The following LMBR1 variants were observed in gnomAD, a reference collection of about 807,000 sequenced individuals.
LMBR1 encodes the protein limb region 1 protein homolog.
A neutral mutation model predicts 73.9 loss-of-function variants in LMBR1; 52 were observed. That is an observed-to-expected ratio of 0.70 (90% CI 0.56 to 0.89). The LOEUF (loss-of-function observed/expected upper bound fraction) is 0.89. Ranked by LOEUF, LMBR1 falls within the 40% of genes least tolerant of loss-of-function variation. LMBR1 has a pLI of 0.00. For missense variants in LMBR1, 539 were observed against 579.8 expected, an observed-to-expected ratio of 0.93 and a Z score of 0.72; for synonymous variants, 215 against 209.4, an observed-to-expected ratio of 1.03 and a Z score of -0.23.
intron 1 of LMBR1, among the ~76,000 whole-genome samples, chr7:156,847,254 T>C (rs1795621778): frequency 6.6e-6 from 1 of 152,164 alleles, no homozygotes; most frequent in African/African-American, 2.4e-5. Flanking sequence ...AATCTAGACA[T>C]AGACCTTATA....
At chr7:156,873,649 T>A (rs1799688039) in intron 1 of LMBR1, among the ~76,000 whole-genome samples, 1 of 152,014 alleles carries the variant, frequency 6.6e-6, no homozygotes, top group South Asian at 2.1e-4. Context: ...GATACAGAGT[T>A]TCCACACACA....
intron 5 of LMBR1, among the ~76,000 whole-genome samples, chr7:156,767,542 G>A (rs961695417): frequency 2.0e-5 from 3 of 151,884 alleles, no homozygotes; most frequent in Admixed American, 6.6e-5. Context: ...ACTGACAGCA[G>A]AGAAATTAAA....
chr7:156,883,736 C>T (rs953384168), intron 1 of LMBR1, among the ~76,000 whole-genome samples: 1 of 152,198 alleles, frequency 6.6e-6, no homozygotes, highest in Admixed American at 6.5e-5. Flanking sequence ...CACTCCTTGG[C>T]TCATGGTCCC....
rs1027201342 is a variant in LMBR1, at chr7:156,891,219, T to A, written c.66+1709A>T. Among the ~76,000 whole-genome samples the A allele has an allele frequency of 5.7e-3, 324 of 56,380 alleles. 2 individuals carry two copies. The highest frequency in any genetic ancestry group is 0.015 in the Middle Eastern group (2 of 132). The allele number at this position is 56,380 out of a possible 152,430, so 37.0% of individuals were successfully genotyped here. On this transcript the variant is annotated intron_variant, in intron 1 of 16. Coordinates refer to ENST00000353442, the MANE Select transcript of LMBR1 (RefSeq NM_022458.4). ...AAAAAAAAAAAAAAAAAAATATATA[T>A]ATATATATATATATACACACACACA... is the stretch of plus-strand genomic sequence containing the variant.
intron 5 of LMBR1, among the ~76,000 whole-genome samples, chr7:156,795,513 T>C (rs1343361118): frequency 1.3e-5 from 2 of 152,222 alleles, no homozygotes; most frequent in Non-Finnish European, 2.9e-5. Context: ...TCCAAAATTC[T>C]ACAGAAATTG....
intron 1 of LMBR1, among the ~76,000 whole-genome samples, chr7:156,876,823 T>G (rs953794172): frequency 1.3e-5 from 2 of 152,064 alleles, no homozygotes; most frequent in Non-Finnish European, 2.9e-5. Context: ...GCAAAGGCGG[T>G]GCTAAGAGGA....
chr7:156,796,516 G>A (rs1420790077), intron 4 of LMBR1, 24 bp from the exon 5 acceptor site: 1 of 1,475,342 alleles, frequency 6.8e-7, no homozygotes, highest in Admixed American at 2.0e-5. Flanking sequence ...AACAAGAAAA[G>A]AAGAAAAACA....
intron 15 of LMBR1, among the ~76,000 whole-genome samples, chr7:156,690,195 T>C (rs1806880333): frequency 6.6e-6 from 1 of 152,254 alleles, no homozygotes; most frequent in African/African-American, 2.4e-5. Flanking sequence ...TTTGAGCATC[T>C]ATACCCCATA....
intron 1 of LMBR1, among the ~76,000 whole-genome samples, chr7:156,857,642 T>C (rs556915210): frequency 3.2e-4 from 49 of 152,326 alleles, no homozygotes; most frequent in African/African-American, 1.2e-3. Flanking sequence ...CATCCAACAA[T>C]AGCACAATAT....
At chr7:156,753,945 A>C (rs532708955) in intron 9 of LMBR1, among the ~76,000 whole-genome samples, 14 of 152,124 alleles carry the variant, frequency 9.2e-5, no homozygotes, top group African/African-American at 1.2e-4. Flanking sequence ...ACTAGATGAA[A>C]ACTTACAAAT....
intron 1 of LMBR1, among the ~76,000 whole-genome samples, chr7:156,858,252 G>A (rs1797250041): frequency 6.6e-6 from 1 of 151,816 alleles, no homozygotes; most frequent in African/African-American, 2.4e-5. Context: ...TGAAAAAGGG[G>A]CCATTACTCC....
chr7:156,746,604 A>G lies in LMBR1; in HGVS notation c.757+9789T>C, dbSNP rs148239205. 1.3e-4 allele frequency among the ~76,000 whole-genome samples: 20 copies of G among 152,312 alleles called. No individual in the cohort carries two copies. In the East Asian group the frequency reaches 3.9e-3, roughly 29 times the overall value. ...TGACTGACTTGCATATAAAAATCAAAACTACATTCTTGTTGTCCTCAAATA... is the reference window on the plus strand; with the variant it reads ...TGACTGACTTGCATATAAAAATCAAGACTACATTCTTGTTGTCCTCAAATA... On this transcript the variant is annotated intron_variant, in intron 9 of 16. Coordinates refer to ENST00000353442, the MANE Select transcript of LMBR1 (RefSeq NM_022458.4).
intron 15 of LMBR1, among the ~76,000 whole-genome samples, chr7:156,718,170 C>T (rs12532644): frequency 0.051 from 7,699 of 152,082 alleles, 215 homozygotes; most frequent in African/African-American, 0.066. Context: ...GAGGCCAAGG[C>T]GGGCAAATCA....
chr7:156,740,090 G>T (rs1479870429), intron 9 of LMBR1, among the ~76,000 whole-genome samples: 2 of 151,988 alleles, frequency 1.3e-5, no homozygotes, highest in African/African-American at 4.8e-5. Context: ...TTGTAGAGTT[G>T]AAAAATGCAA....
At chr7:156,853,431 T>C (rs1273594136) in intron 1 of LMBR1, among the ~76,000 whole-genome samples, 1 of 152,110 alleles carries the variant, frequency 6.6e-6, no homozygotes, top group African/African-American at 2.4e-5. Context: ...CACTATCCCT[T>C]ATGATCTCAC....
chr7:156,793,963 TC>T (rs1337381700), intron 5 of LMBR1, among the ~76,000 whole-genome samples: 20 of 151,390 alleles, frequency 1.3e-4, no homozygotes, highest in Admixed American at 5.9e-4. Flanking sequence ...TTCACCATCT[TC>T]CGCTGGCCTC....
At chr7:156,694,428 C>T (rs1219554429) in intron 15 of LMBR1, among the ~76,000 whole-genome samples, 1 of 152,108 alleles carries the variant, frequency 6.6e-6, no homozygotes, top group Non-Finnish European at 1.5e-5. Context: ...CCACTGCACC[C>T]AGCCAAGACA....
chr7:156,847,530 A>G (rs1795660377), intron 1 of LMBR1, among the ~76,000 whole-genome samples: 1 of 152,208 alleles, frequency 6.6e-6, no homozygotes, highest in Non-Finnish European at 1.5e-5. Flanking sequence ...AAATATTTGC[A>G]AAAGACTCCT....
chr7:156,863,528 T>G (rs1454531116), intron 1 of LMBR1, among the ~76,000 whole-genome samples: 1 of 152,134 alleles, frequency 6.6e-6, no homozygotes, highest in Admixed American at 6.5e-5. Context: ...AAGTTGACAC[T>G]CTATATTCCA....
Sources: allele counts gnomAD v4.1 joint callset (sites outside exome capture counted in the v4.1 genomes callset), GRCh38; gene constraint gnomAD v4.1.1; transcripts MANE v1.5; gene names NCBI Gene and HGNC (gene_info 2026-07-23, HGNC 2026-07-21).